Variants in SHOC1 observed in about 807,000 individuals in gnomAD.
SHOC1 encodes shortage in chiasmata 1.
In SHOC1, 136 loss-of-function variants were observed where a neutral mutation model predicts 179.2. The observed-to-expected ratio is 0.76, with a 90% CI of 0.66 to 0.87. The LOEUF is 0.87. SHOC1 is among the 40% of genes least tolerant of loss of function. SHOC1 has a pLI of 0.00. For missense variants in SHOC1, 1,538 were observed against 1,700.8 expected, an observed-to-expected ratio of 0.90 and a Z score of 1.68; for synonymous variants, 489 against 586.6, an observed-to-expected ratio of 0.83 and a Z score of 2.41.
chr9:111,705,845 C>T (rs1832248375), intron 20 of SHOC1, among the ~76,000 whole-genome samples: 1 of 151,842 alleles, frequency 6.6e-6, no homozygotes, highest in South Asian at 2.1e-4. Context: ...GAATAAATAC[C>T]TCAATAGATA....
At chr9:111,794,253 T>A (rs1836546335) in intron 1 of SHOC1, among the ~76,000 whole-genome samples, 1 of 148,562 alleles carries the variant, frequency 6.7e-6, no homozygotes, top group Admixed American at 6.8e-5. Flanking sequence ...TCTGCCTTCT[T>A]CACTCCCTCG....
At chr9:111,754,303 G>T (rs925072599) in intron 8 of SHOC1, among the ~76,000 whole-genome samples, 3 of 152,106 alleles carry the variant, frequency 2.0e-5, no homozygotes, top group Admixed American at 6.6e-5. Context: ...ATGGGCAAAG[G>T]ATCTGAGTAG....
chr9:111,731,628 C>A (rs1341207726), intron 12 of SHOC1, among the ~76,000 whole-genome samples: 1 of 151,964 alleles, frequency 6.6e-6, no homozygotes, highest in African/African-American at 2.4e-5. Flanking sequence ...TAACTGAGCA[C>A]AGATAACTAT....
At chr9:111,783,479 A>G (rs1325006566) in intron 3 of SHOC1, 1 of 152,204 alleles carries the variant, frequency 6.6e-6, no homozygotes, top group East Asian at 1.9e-4. Flanking sequence ...TCCTTCTTGA[A>G]GCACTTTCTT....
chr9:111,744,620 A>C (rs1331932960), intron 10 of SHOC1, among the ~76,000 whole-genome samples: 1 of 152,156 alleles, frequency 6.6e-6, no homozygotes, highest in Non-Finnish European at 1.5e-5. Context: ...TAACACACAC[A>C]GTTCCCACAG....
In SHOC1 at chr9:111,722,496, TAGC is replaced by T. The variant is rs1564125436; in HGVS notation, c.2041_2043del (p.Ala681del). ...AAAATAACAGTGGCAAATTTCCAAT[TAGC>T]AGTAGGGAGGGTACACAAGGATACA... On this transcript the variant is annotated inframe_deletion, in exon 15 of 28. Transcript: ENST00000682961. 5 of 1,612,990 alleles carry T rather than the reference TAGC, an allele frequency of 3.1e-6. No homozygotes were observed. The Admixed American group carries it at 6.7e-5, about 22-fold the overall frequency.
intron 1 of SHOC1, among the ~76,000 whole-genome samples, chr9:111,792,299 C>T (rs1178410549): frequency 3.3e-5 from 5 of 151,958 alleles, no homozygotes. Flanking sequence ...TAAAACAATC[C>T]AGGCCAGGCA....
At chr9:111,694,677 GA>G (rs1363179776) in intron 24 of SHOC1, among the ~76,000 whole-genome samples, 1 of 151,850 alleles carries the variant, frequency 6.6e-6, no homozygotes, top group Non-Finnish European at 1.5e-5. Context: ...TCAGCAATTT[GA>G]ATATCACTAG....
At chr9:111,769,986 G>GTTTTTTTTTTTTTTTTTCTTTTTTTTT (rs1835524118) in intron 5 of SHOC1, among the ~76,000 whole-genome samples, 1 of 77,662 alleles carries the variant, frequency 1.3e-5, no homozygotes, top group Non-Finnish European at 2.4e-5. Context: ...TTTTTTTTTT[G>GTTTTTTTTTTTTTTTTTCTTTTTTTTT]TTTTTTTTTT....
intron 8 of SHOC1, among the ~76,000 whole-genome samples, chr9:111,753,419 A>T (rs1458863082): frequency 6.6e-6 from 1 of 152,238 alleles, no homozygotes; most frequent in African/African-American, 2.4e-5. Flanking sequence ...CTAGTAAAAA[A>T]GTGGGATTTA....
intron 3 of SHOC1, among the ~76,000 whole-genome samples, chr9:111,784,892 C>T (rs1345222001): frequency 2.6e-5 from 4 of 152,084 alleles, no homozygotes; most frequent in Non-Finnish European, 5.9e-5. Context: ...AGGACTCCAT[C>T]CTCATGTTCT....
At position 111,686,933 on chromosome 9, in the gene SHOC1, C is replaced by G. The variant is rs878886976; in HGVS notation, c.4427-63G>C. 9.4e-5 allele frequency: 64 copies of G among 684,048 alleles called. 1 individual carries two copies. The highest frequency in any genetic ancestry group is 1.3e-4 in the Non-Finnish European group (60 of 468,250). The allele number at this position is 684,048 out of a possible 1,614,324, so 42.4% of individuals were successfully genotyped here. The stretch of plus-strand genomic sequence containing the variant: ...TACAATAGTAAAGTATAGGTTTTTT[C>G]TTTTCCTTTTTTTTTTTTTTTTCTT... On this transcript the variant is annotated intron_variant, in intron 27 of 27. Coordinates refer to ENST00000682961, the MANE Select transcript of SHOC1 (RefSeq NM_001378211.1).
intron 20 of SHOC1, 150 bp from the exon 21 acceptor site, chr9:111,705,514 G>C (rs1279076661): frequency 2.4e-6 from 1 of 423,642 alleles, no homozygotes; most frequent in Non-Finnish European, 4.2e-6. Flanking sequence ...AGACAGGCTT[G>C]AAGAAGAAAA....
intron 4 of SHOC1, among the ~76,000 whole-genome samples, chr9:111,779,236 T>G (rs4490909): frequency 0.4 from 60,736 of 152,074 alleles, 13,892 homozygotes; most frequent in East Asian, 0.77. Flanking sequence ...TGATTCCACT[T>G]ATGTGAAATA....
At chr9:111,777,883 TTACTC>T (rs1183151268) in intron 4 of SHOC1, among the ~76,000 whole-genome samples, 4 of 152,204 alleles carry the variant, frequency 2.6e-5, no homozygotes, top group African/African-American at 9.6e-5. Flanking sequence ...AATTTATCCT[TTACTC>T]TAAGAAAATA....
chr9:111,748,794 C>CCCTTCCTTCCTTCCTT (rs570258617), intron 8 of SHOC1, among the ~76,000 whole-genome samples: 1 of 111,684 alleles, frequency 9.0e-6, no homozygotes, highest in Non-Finnish European at 1.8e-5. Flanking sequence ...TCCCCTCCCC[C>CCCTTCCTTCCTTCCTT]CCTTCCTTCC....
intron 16 of SHOC1, 68 bp from the exon 17 acceptor site, chr9:111,714,691 G>A: frequency 2.2e-6 from 3 of 1,357,524 alleles, no homozygotes; most frequent in East Asian, 2.5e-5. Flanking sequence ...TGGTAAAAAA[G>A]GCTTAAAGAA....
chr9:111,709,681 G>T (rs1000941284), intron 18 of SHOC1, among the ~76,000 whole-genome samples: 1 of 152,168 alleles, frequency 6.6e-6, no homozygotes, highest in Non-Finnish European at 1.5e-5. Context: ...ATGAAACCCA[G>T]ATATGCGATA....
At chr9:111,728,426 T>C (rs1465589136) in intron 12 of SHOC1, among the ~76,000 whole-genome samples, 1 of 152,190 alleles carries the variant, frequency 6.6e-6, no homozygotes, top group Non-Finnish European at 1.5e-5. Flanking sequence ...CAAAGGACTG[T>C]ATCCAAAATA....
Sources: allele counts gnomAD v4.1 joint callset (sites outside exome capture counted in the v4.1 genomes callset), GRCh38; gene constraint gnomAD v4.1.1; transcripts MANE v1.5; gene names NCBI Gene and HGNC (gene_info 2026-07-23, HGNC 2026-07-21).